Variants in OPTC observed in about 807,000 individuals in gnomAD.
OPTC encodes the protein opticin.
Under a neutral mutation model 25.4 loss-of-function variants are expected in OPTC, and 22 were observed. The ratio of observed to expected loss-of-function variants is 0.87; its 90% CI spans 0.62 to 1.24. The LOEUF is 1.24. Among genes scored for constraint, OPTC ranks in the 50% most tolerant of loss-of-function variants. OPTC has a pLI of 0.00. For synonymous variants in OPTC, 169 were observed against 179.3 expected (o/e 0.94, Z 0.46); for missense variants, 417 against 425.2 (o/e 0.98, Z 0.17).
At chr1:203,503,875 C>A in intron 7 of OPTC, 130 bp downstream of exon 7, 1 of 779,518 alleles carries the variant, frequency 1.3e-6, no homozygotes, top group Non-Finnish European at 2.2e-6. Flanking sequence ...CACACACATG[C>A]ACACGCATGC....
intron 5 of OPTC, among the ~76,000 whole-genome samples, chr1:203,500,973 A>G (rs1661383185): frequency 6.6e-6 from 1 of 152,206 alleles, no homozygotes; most frequent in South Asian, 2.1e-4. Context: ...CTGAAAACAT[A>G]CACGTGAGTT....
chr1:203,501,183 C>A (rs912987242), intron 5 of OPTC, among the ~76,000 whole-genome samples: 1 of 152,154 alleles, frequency 6.6e-6, no homozygotes, highest in African/African-American at 2.4e-5. Flanking sequence ...TCACTGCAAC[C>A]TCTGCCTCCC....
intron 7 of OPTC, among the ~76,000 whole-genome samples, chr1:203,507,394 C>T (rs1306749013): frequency 6.6e-6 from 1 of 152,170 alleles, no homozygotes; most frequent in Non-Finnish European, 1.5e-5. Context: ...GCTTGAGGGC[C>T]TCATGCCAGC....
At chr1:203,499,606 T>C (rs374569082) in intron 4 of OPTC, 43 bp from the exon 5 acceptor site, 3 of 1,505,848 alleles carry the variant, frequency 2.0e-6, no homozygotes, top group African/African-American at 2.8e-5. Flanking sequence ...GGAAAGATAG[T>C]GTGTTCTGGT....
At chr1:203,505,379 T>C (rs917061644) in intron 7 of OPTC, among the ~76,000 whole-genome samples, 3 of 152,160 alleles carry the variant, frequency 2.0e-5, no homozygotes, top group Non-Finnish European at 4.4e-5. Flanking sequence ...GCACAACTGA[T>C]GTTTAAGCTG....
intron 4 of OPTC, among the ~76,000 whole-genome samples, chr1:203,499,400 A>G (rs1157005935): frequency 3.3e-5 from 5 of 151,972 alleles, no homozygotes; most frequent in African/African-American, 1.2e-4. Context: ...GCTTCTTCTA[A>G]AGGATGCAAG....
At chr1:203,499,936 TCACCTCCACCACCACC>T in intron 5 of OPTC, 85 bp downstream of exon 5, 1 of 929,984 alleles carries the variant, frequency 1.1e-6, no homozygotes, top group Non-Finnish European at 1.6e-6. Flanking sequence ...CCTCCACCAC[TCACCTCCACCACCACC>T]CACCTCCACC....
intron 5 of OPTC, among the ~76,000 whole-genome samples, chr1:203,501,148 G>C (rs1461301848): frequency 5.9e-5 from 9 of 152,176 alleles, no homozygotes; most frequent in East Asian, 1.9e-4. Flanking sequence ...GCCCAGGCTG[G>C]AATGCAGTGT....
chr1:203,495,967 C>A lies in OPTC; in HGVS notation c.-39C>A. On this transcript the variant is annotated splice_region_variant and 5_prime_UTR_variant, in exon 2 of 8. Coordinates refer to ENST00000367222, the MANE Select transcript of OPTC (RefSeq NM_014359.4). Reference sequence around the variant, plus strand: ...CCTTCCTCGTGCCCACTTGCCAGGACCAGCCGCTGAAGGGATTCTCAGTCC... The same window carrying A: ...CCTTCCTCGTGCCCACTTGCCAGGAACAGCCGCTGAAGGGATTCTCAGTCC... 1 of 1,466,774 alleles carries A rather than the reference C, an allele frequency of 6.8e-7. No individual in the cohort carries two copies. The highest frequency in any genetic ancestry group is 9.4e-7 in the Non-Finnish European group (1 of 1,061,316). 90.9% of individuals were successfully genotyped at this position (1,466,774 alleles called of 1,614,324 possible). A position where few individuals can be genotyped will look rare whatever the true frequency, so the allele number is the denominator to read the frequency against.
rs139024490 is a variant in OPTC, at chr1:203,499,664, T to C, written c.545T>C (p.Ile182Thr). 3.0e-3 allele frequency: 4,863 copies of C among 1,613,272 alleles called. 16 individuals carry two copies. Among genetic ancestry groups the C allele is most frequent in the Non-Finnish European group, 4.0e-3 (4,668 of 1,179,662 alleles). The change falls in exon 5 of 8, where the codon ATT becomes ACT. Residue 182 changes from isoleucine (I) to threonine (T), a missense_variant. Ile to Thr is a moderately conservative substitution (Grantham distance 89, BLOSUM62 -1). Transcript: ENST00000367222. ...DFKGLTKLKR[I>T]DLSNNLISSI... The stretch of plus-strand genomic sequence containing the variant: ...CCTCTCTCAGCAAAGTTGAAGAGGA[T>C]TGACCTCTCCAACAACCTCATTTCC...
At chr1:203,506,261 C>T (rs1438291153) in intron 7 of OPTC, among the ~76,000 whole-genome samples, 3 of 150,980 alleles carry the variant, frequency 2.0e-5, no homozygotes, top group African/African-American at 7.3e-5. Flanking sequence ...AAGCAATTCT[C>T]CTGCCTCAGC....
At chr1:203,497,210 G>C in intron 3 of OPTC, 95 bp downstream of exon 3, 1 of 1,421,560 alleles carries the variant, frequency 7.0e-7, no homozygotes, top group South Asian at 1.2e-5. Flanking sequence ...ACGTGGTTGG[G>C]GTTGGGGCAT....
At chr1:203,495,791 T>G (rs1571594987) in intron 1 of OPTC, among the ~76,000 whole-genome samples, 174 bp from the exon 2 acceptor site, 1 of 152,074 alleles carries the variant, frequency 6.6e-6, no homozygotes, top group East Asian at 1.9e-4. Flanking sequence ...AGGGGGCTGC[T>G]AGGAGATACC....
Position 203,496,086 on chromosome 1 carries a change from G to C in OPTC, c.81G>C (p.Arg27Ser), listed in dbSNP as rs1299308659. The change falls in exon 2 of 8, where the codon AGG (arginine) becomes AGC (serine). Residue 27 changes from arginine (R) to serine (S), a missense_variant. By Grantham distance (110) the Arg-to-Ser change is moderately radical. Coordinates refer to ENST00000367222, the MANE Select transcript of OPTC (RefSeq NM_014359.4). ...TGTASLPRKERKRREEQMPRE... is the reference protein window; with the variant it reads ...TGTASLPRKESKRREEQMPRE... ...CAGCTTCTCTCCCAAGGAAGGAGAG[G>C]AAGAGGAGAGAGGAGCAGATGCCCA... The C allele has an allele frequency of 3.7e-6, 6 of 1,613,990 alleles. No homozygotes were observed. The highest frequency in any genetic ancestry group is 5.1e-6 in the Non-Finnish European group (6 of 1,179,988).
At chr1:203,505,991 TTC>T (rs1206710637) in intron 7 of OPTC, among the ~76,000 whole-genome samples, 1 of 151,854 alleles carries the variant, frequency 6.6e-6, no homozygotes, top group East Asian at 1.9e-4. Context: ...CTCTCTCCCT[TTC>T]TCTGTTTCAT....
intron 2 of OPTC, among the ~76,000 whole-genome samples, chr1:203,496,455 C>G (rs1363273663): frequency 6.6e-6 from 1 of 152,212 alleles, no homozygotes; most frequent in Admixed American, 6.5e-5. Context: ...ATACTTGCCT[C>G]CCCCTGCCAA....
At chr1:203,496,273 G>A in intron 2 of OPTC, 37 bp downstream of exon 2, 1 of 1,462,444 alleles carries the variant, frequency 6.8e-7, no homozygotes, top group East Asian at 2.3e-5. Flanking sequence ...TTCCCTGCAT[G>A]ACACTGGGAG....
intron 7 of OPTC, among the ~76,000 whole-genome samples, chr1:203,505,721 G>C (rs1440497055): frequency 6.6e-6 from 1 of 152,186 alleles, no homozygotes; most frequent in African/African-American, 2.4e-5. Context: ...TGAAGGTGGT[G>C]GGAGGTGACT....
intron 7 of OPTC, among the ~76,000 whole-genome samples, chr1:203,505,417 G>A (rs1490630021): frequency 6.6e-6 from 1 of 152,148 alleles, no homozygotes; most frequent in Non-Finnish European, 1.5e-5. Context: ...AGTTAGCCAG[G>A]CAATGAGTTG....
Sources: allele counts gnomAD v4.1 joint callset (sites outside exome capture counted in the v4.1 genomes callset), GRCh38; gene constraint gnomAD v4.1.1; transcripts MANE v1.5; gene names NCBI Gene and HGNC (gene_info 2026-07-23, HGNC 2026-07-21).